Variants in MTMR9 observed in about 807,000 individuals in gnomAD.
MTMR9 encodes the protein myotubularin related protein 9.
A neutral mutation model predicts 69.5 loss-of-function variants in MTMR9; 39 were observed. The ratio of observed to expected loss-of-function variants is 0.56; its 90% CI spans 0.43 to 0.73. The LOEUF (loss-of-function observed/expected upper bound fraction) is 0.73. MTMR9 is among the 30% of genes least tolerant of loss of function. The probability of loss-of-function intolerance (pLI) is 0.00; values close to 1 mark genes in which losing one functional copy is unlikely to be tolerated. For missense variants in MTMR9, 900 were observed against 671.2 expected (o/e 1.34, Z -3.77); for synonymous variants, 354 against 240.8 (o/e 1.47, Z -4.35).
downstream of MTMR9, among the ~76,000 whole-genome samples, chr8:11,328,520 CTCAT>C (rs1801050063): frequency 5.9e-5 from 9 of 152,134 alleles, no homozygotes; most frequent in South Asian, 1.9e-3. Flanking sequence ...AAACACATGA[CTCAT>C]TGAGGGTAAA....
chr8:11,299,425 A>T (rs896755650), intron 2 of MTMR9, among the ~76,000 whole-genome samples: 1 of 152,214 alleles, frequency 6.6e-6, no homozygotes, highest in African/African-American at 2.4e-5. Context: ...CAACACTATG[A>T]AGTAGGTATG....
intron 3 of MTMR9, among the ~76,000 whole-genome samples, chr8:11,304,302 T>C (rs1008603461): frequency 6.6e-6 from 1 of 152,206 alleles, no homozygotes; most frequent in Admixed American, 6.5e-5. Context: ...ATATAGATAG[T>C]AGCTGTGTTC....
At chr8:11,331,451 T>C (rs1408247033), downstream of MTMR9, 1 of 1,613,872 alleles carries the variant, frequency 6.2e-7, no homozygotes, top group Admixed American at 1.7e-5. Flanking sequence ...TCCTCAGCAT[T>C]GGATGTGCCT....
At chr8:11,332,242 G>C, downstream of MTMR9, 5,897 of 1,188,786 alleles carry the variant, frequency 5.0e-3, no homozygotes, top group Non-Finnish European at 6.2e-3. Flanking sequence ...AAGAGTGAAA[G>C]TCTAACTTCC....
rs1256366269 is a variant in MTMR9, at chr8:11,323,816, C to G, written c.*1028C>G. 6 of 152,124 alleles carry G rather than the reference C, an allele frequency of 3.9e-5. No homozygotes were observed. The highest frequency in any genetic ancestry group is 1.2e-4 in the African/African-American group (5 of 41,482). The allele number at this position is 152,124 out of a possible 1,614,324, so 9.4% of individuals were successfully genotyped here. On this transcript the variant is annotated 3_prime_UTR_variant, in exon 10 of 10. Coordinates refer to ENST00000221086, the MANE Select transcript of MTMR9 (RefSeq NM_015458.4). ...TGAGCCTTTTGCAAATTTGCTTTGG[C>G]TCTATTGATTTGTCCATTATGTGTT...
chr8:11,287,817 AAT>A (rs1563262790), intron 1 of MTMR9, among the ~76,000 whole-genome samples: 2 of 123,536 alleles, frequency 1.6e-5, no homozygotes, highest in African/African-American at 6.5e-5. Context: ...TAATACATAT[AAT>A]ATATAATATA....
At chr8:11,335,281 C>A in the MTMR9 span, among the ~76,000 whole-genome samples, 1 of 152,166 alleles carries the variant, frequency 6.6e-6, no homozygotes, top group Non-Finnish European at 1.5e-5. Flanking sequence ...CAGCAATGAA[C>A]AAATGAAATT....
intron 5 of MTMR9, among the ~76,000 whole-genome samples, chr8:11,308,536 C>A (rs763301389): frequency 2.0e-5 from 3 of 152,044 alleles, no homozygotes; most frequent in Non-Finnish European, 4.4e-5. Flanking sequence ...CATTATTGGT[C>A]TGTTCATATT....
At chr8:11,293,714 T>G (rs1395221852) in intron 1 of MTMR9, among the ~76,000 whole-genome samples, 1 of 152,110 alleles carries the variant, frequency 6.6e-6, no homozygotes, top group Admixed American at 6.5e-5. Context: ...AAAGGTCCCA[T>G]TTTGAGTTAG....
In MTMR9 at chr8:11,286,639, C is replaced by G. The variant is rs1362489092; in HGVS notation, c.182+1569C>G. Among the ~76,000 whole-genome samples, 8 of 133,210 alleles carry G rather than the reference C, an allele frequency of 6.0e-5. No individual in the cohort carries two copies. The East Asian group carries it at 1.4e-3, about 23-fold the overall frequency. 87.4% of individuals were successfully genotyped at this position (133,210 alleles called of 152,430 possible). Reference sequence around the variant, plus strand: ...CGAGATCGGGCCACTGCACTCCTTCCTTTGCAACAAGAGCAAAACTCCATC... The same window carrying G: ...CGAGATCGGGCCACTGCACTCCTTCGTTTGCAACAAGAGCAAAACTCCATC... On this transcript the variant is annotated intron_variant, in intron 1 of 9. Transcript: ENST00000221086.
intron 8 of MTMR9, 84 bp from the exon 9 acceptor site, chr8:11,319,603 G>T (rs1370281085): frequency 8.7e-6 from 12 of 1,372,968 alleles, no homozygotes; most frequent in Non-Finnish European, 1.2e-5. Flanking sequence ...TTCATACTGA[G>T]AAGAAATTGT....
At chr8:11,298,976 C>T in intron 2 of MTMR9, 2 of 638,206 alleles carry the variant, frequency 3.1e-6, no homozygotes, top group Non-Finnish European at 3.9e-6. Flanking sequence ...TGGCATATAC[C>T]AGTCTAGGAA....
chr8:11,314,832 A>C (rs1800344065), intron 6 of MTMR9, 91 bp from the exon 7 acceptor site: 2 of 1,268,476 alleles, frequency 1.6e-6, no homozygotes, highest in African/African-American at 1.5e-5. Context: ...GTAGACTAAA[A>C]TGTTGTGCTC....
intron 2 of MTMR9, among the ~76,000 whole-genome samples, chr8:11,295,594 A>G (rs909642652): frequency 1.3e-5 from 2 of 152,220 alleles, no homozygotes; most frequent in South Asian, 2.1e-4. Flanking sequence ...TGGTTAAATA[A>G]CAGATACTGT....
Position 11,314,936 on chromosome 8 carries a change from A to C in MTMR9, c.985A>C (p.Ile329Leu). The C allele has an allele frequency of 1.2e-6, 2 of 1,613,882 alleles. No homozygotes were observed. Among genetic ancestry groups the C allele is most frequent in the Non-Finnish European group, 1.7e-6 (2 of 1,179,820 alleles). ...AQCIDREGAS[I>L]LIHGTEGTDS... ...TTTTCCTATCAGGGAAGGAGCATCA[A>C]TATTGATTCACGGAACAGAAGGAAC... Residue 329 changes from isoleucine (I) to leucine (L), a missense_variant, in exon 7 of 10, where the codon ATA becomes CTA. Transcript: ENST00000221086.
rs374899211 is a variant in MTMR9 at position 11,287,802 on chromosome 8, T to TAA, written c.182+2732_182+2733insAA. Among the ~76,000 whole-genome samples, 15 of 24,744 alleles carry TAA rather than the reference T, an allele frequency of 6.1e-4. No individual in the cohort carries two copies. The East Asian group carries it at 0.028, about 46-fold the overall frequency. The allele number at this position is 24,744 out of a possible 152,430, so 16.2% of individuals were successfully genotyped here. ...TATTATATATTATATATAATACATA[T>TAA]TATATAATACATATAATATATAATA... On this transcript the variant is annotated intron_variant, in intron 1 of 9. Transcript: ENST00000221086.
rs1025174229 is a variant in MTMR9 at position 11,326,741 on chromosome 8, C to G, written c.*3953C>G. On this transcript the variant is annotated 3_prime_UTR_variant, in exon 10 of 10. Transcript: ENST00000221086. Reference sequence around the variant, plus strand: ...ATCCCAGCACTTTGGGAGGCCAAGGCGGGCGGATCATGAGGTCAGGAGATC... The same window carrying G: ...ATCCCAGCACTTTGGGAGGCCAAGGGGGGCGGATCATGAGGTCAGGAGATC... The G allele has an allele frequency of 6.6e-6, 1 of 152,208 alleles. No individual in the cohort carries two copies. The highest frequency in any genetic ancestry group is 1.5e-5 in the Non-Finnish European group (1 of 68,088). 9.4% of individuals were successfully genotyped at this position (152,208 alleles called of 1,614,324 possible). A position where few individuals can be genotyped will look rare whatever the true frequency, so the allele number is the denominator to read the frequency against.
At chr8:11,287,810 TACATATAATATA>T (rs1799222655) in intron 1 of MTMR9, among the ~76,000 whole-genome samples, 1 of 115,696 alleles carries the variant, frequency 8.6e-6, no homozygotes, top group Non-Finnish European at 1.7e-5. Context: ...TATTATATAA[TACATATAATATA>T]TAATATATAA....
chr8:11,326,123 T>C lies in MTMR9; in HGVS notation c.*3335T>C, dbSNP rs1045162906. ...TGGAAAAGATATGACCATAATTTAG[T>C]CTCCTCAAGTGAAAAACAGGAGTAA... On this transcript the variant is annotated 3_prime_UTR_variant, in exon 10 of 10. Coordinates refer to ENST00000221086, the MANE Select transcript of MTMR9 (RefSeq NM_015458.4). 10 of 152,204 alleles carry C rather than the reference T, an allele frequency of 6.6e-5. No individual in the cohort carries two copies. Among genetic ancestry groups the C allele is most frequent in the Admixed American group, 5.2e-4 (8 of 15,284 alleles). 9.4% of individuals were successfully genotyped at this position (152,204 alleles called of 1,614,324 possible). A position where few individuals can be genotyped will look rare whatever the true frequency, so the allele number is the denominator to read the frequency against.
Sources: allele counts gnomAD v4.1 joint callset (sites outside exome capture counted in the v4.1 genomes callset), GRCh38; gene constraint gnomAD v4.1.1; transcripts MANE v1.5; gene names NCBI Gene and HGNC (gene_info 2026-07-23, HGNC 2026-07-21).